Variants in ATRNL1 observed in about 807,000 individuals in gnomAD.
ATRNL1 encodes the protein attractin like 1.
ATRNL1 carries 95 observed loss-of-function variants against 182.7 expected under a neutral mutation model. The ratio of observed to expected loss-of-function variants is 0.52; its 90% CI spans 0.44 to 0.62. The LOEUF (loss-of-function observed/expected upper bound fraction) is 0.62. Among genes scored for constraint, ATRNL1 ranks in the 20% least tolerant of loss-of-function variants. The pLI, the probability that ATRNL1 is intolerant of heterozygous loss-of-function variation, is 0.00. For missense variants in ATRNL1, 1,471 were observed against 1,679.5 expected (o/e 0.88, Z 2.17); for synonymous variants, 576 against 568.3 (o/e 1.01, Z -0.19).
intron 8 of ATRNL1, among the ~76,000 whole-genome samples, chr10:115,196,585 C>T (rs1367601733): frequency 6.6e-6 from 1 of 151,702 alleles, no homozygotes; most frequent in Non-Finnish European, 1.5e-5. Context: ...TTATTTAGGT[C>T]TCTTTTGTTT....
At chr10:115,858,567 T>A (rs1430885736) in intron 28 of ATRNL1, among the ~76,000 whole-genome samples, 9 of 152,090 alleles carry the variant, frequency 5.9e-5, no homozygotes, top group African/African-American at 1.4e-4. Flanking sequence ...GAGAGAGCAT[T>A]AGGAAAAATA....
intron 24 of ATRNL1, among the ~76,000 whole-genome samples, chr10:115,505,407 T>TA (rs1202312393): frequency 2.6e-5 from 4 of 152,208 alleles, no homozygotes; most frequent in Admixed American, 6.6e-5. Context: ...GTATTTTAGT[T>TA]AAAAAAATCA....
At chr10:115,420,040 T>A (rs1256101398) in intron 20 of ATRNL1, among the ~76,000 whole-genome samples, 1 of 27,642 alleles carries the variant, frequency 3.6e-5, no homozygotes, top group Non-Finnish European at 2.0e-4. Flanking sequence ...GTCTTAACAA[T>A]TTTTTTTTTT....
intron 26 of ATRNL1, among the ~76,000 whole-genome samples, chr10:115,681,869 T>C (rs1314613072): frequency 6.6e-6 from 1 of 152,178 alleles, no homozygotes; most frequent in Non-Finnish European, 1.5e-5. Flanking sequence ...GTTTTTGCTG[T>C]GTAAGGAGAA....
intron 8 of ATRNL1, among the ~76,000 whole-genome samples, chr10:115,215,140 A>C (rs1849179009): frequency 6.6e-6 from 1 of 152,152 alleles, no homozygotes; most frequent in Non-Finnish European, 1.5e-5. Flanking sequence ...CCATTGGTGG[A>C]ACCTAATGTA....
intron 21 of ATRNL1, among the ~76,000 whole-genome samples, chr10:115,447,155 T>C (rs1471997976): frequency 1.3e-5 from 2 of 151,796 alleles, no homozygotes; most frequent in Non-Finnish European, 2.9e-5. Context: ...TAAAATGTGT[T>C]AAAAAGTATA....
chr10:115,205,773 T>C (rs2144342253), intron 8 of ATRNL1, among the ~76,000 whole-genome samples: 1 of 152,190 alleles, frequency 6.6e-6, no homozygotes, highest in East Asian at 1.9e-4. Flanking sequence ...TTTCATATGC[T>C]ACCATTTCTT....
chr10:115,917,842 C>G (rs1952918695), intron 28 of ATRNL1, among the ~76,000 whole-genome samples: 1 of 152,058 alleles, frequency 6.6e-6, no homozygotes, highest in Non-Finnish European at 1.5e-5. Context: ...TCCATGTAAA[C>G]AAGTAACAAA....
chr10:115,133,365 A>C (rs1845349901), intron 5 of ATRNL1, among the ~76,000 whole-genome samples: 1 of 151,820 alleles, frequency 6.6e-6, no homozygotes, highest in Non-Finnish European at 1.5e-5. Context: ...TCGGGTAGCA[A>C]ATGGAAAACA....
At chr10:115,222,976 A>G (rs1849527207) in intron 9 of ATRNL1, among the ~76,000 whole-genome samples, 1 of 152,138 alleles carries the variant, frequency 6.6e-6, no homozygotes, top group Non-Finnish European at 1.5e-5. Flanking sequence ...GGGGTAAATT[A>G]GTGTTAAAAA....
chr10:115,343,722 G>T (rs1554939005), intron 19 of ATRNL1, among the ~76,000 whole-genome samples: 1 of 152,108 alleles, frequency 6.6e-6, no homozygotes. Flanking sequence ...TGATCAGTTA[G>T]GTATTTATTG....
intron 3 of ATRNL1, among the ~76,000 whole-genome samples, chr10:115,123,319 C>A (rs1844823103): frequency 6.6e-6 from 1 of 152,086 alleles, no homozygotes; most frequent in Admixed American, 6.6e-5. Context: ...GTACTATTAT[C>A]CCCATTTTAC....
intron 1 of ATRNL1, among the ~76,000 whole-genome samples, chr10:115,110,009 G>A (rs1844190892): frequency 6.6e-6 from 1 of 152,064 alleles, no homozygotes; most frequent in Non-Finnish European, 1.5e-5. Context: ...TATATAGTCA[G>A]TATAAAATCA....
chr10:115,814,817 A>G (rs1950125119), intron 27 of ATRNL1, among the ~76,000 whole-genome samples: 1 of 152,160 alleles, frequency 6.6e-6, no homozygotes, highest in Non-Finnish European at 1.5e-5. Context: ...CAGCTCTTCT[A>G]CCTACTTGGC....
At chr10:115,686,754 A>G (rs1377845350) in intron 26 of ATRNL1, among the ~76,000 whole-genome samples, 1 of 152,062 alleles carries the variant, frequency 6.6e-6, no homozygotes, top group East Asian at 1.9e-4. Flanking sequence ...TATCCAAGTT[A>G]TCTTCCATCA....
chr10:115,437,812 C>T (rs986362244), intron 21 of ATRNL1, among the ~76,000 whole-genome samples: 4 of 151,950 alleles, frequency 2.6e-5, no homozygotes, highest in Admixed American at 6.6e-5. Context: ...ATAACTTTAT[C>T]GAATGCCTTT....
chr10:115,260,894 C>G (rs1554908632), intron 10 of ATRNL1, among the ~76,000 whole-genome samples: 1 of 151,870 alleles, frequency 6.6e-6, no homozygotes, highest in East Asian at 1.9e-4. Context: ...AACTTTGTAT[C>G]TCAGTAATAG....
intron 27 of ATRNL1, among the ~76,000 whole-genome samples, chr10:115,827,049 G>A (rs77313338): frequency 3.2e-4 from 48 of 152,228 alleles, no homozygotes; most frequent in African/African-American, 1.1e-3. Context: ...TTATCAAAAT[G>A]TGTTTCCCCA....
intron 24 of ATRNL1, among the ~76,000 whole-genome samples, chr10:115,493,369 T>G (rs1351177464): frequency 6.6e-6 from 1 of 152,228 alleles, no homozygotes; most frequent in Non-Finnish European, 1.5e-5. Context: ...ATGCAATATT[T>G]GGTTTTCTGC....
Sources: allele counts gnomAD v4.1 joint callset (sites outside exome capture counted in the v4.1 genomes callset), GRCh38; gene constraint gnomAD v4.1.1; transcripts MANE v1.5; gene names NCBI Gene and HGNC (gene_info 2026-07-23, HGNC 2026-07-21).